The following HARBI1 variants were observed in gnomAD, a reference collection of about 807,000 sequenced individuals.
HARBI1 encodes harbinger transposase derived 1, also known as putative nuclease HARBI1.
In HARBI1, 15 loss-of-function variants were observed where a neutral mutation model predicts 25.3. The observed-to-expected ratio is 0.59, with a 90% CI of 0.40 to 0.91. HARBI1 has a LOEUF of 0.91. Among genes scored for constraint, HARBI1 ranks in the 40% least tolerant of loss-of-function variants. The probability of loss-of-function intolerance (pLI) is 0.00; values close to 1 mark genes in which losing one functional copy is unlikely to be tolerated. For synonymous variants in HARBI1, 168 were observed against 160.5 expected (o/e 1.05, Z -0.35); for missense variants, 396 against 445.8 (o/e 0.89, Z 1.01).
chr11:46,610,350 T>C (rs1256736636), intron 2 of HARBI1, among the ~76,000 whole-genome samples: 2 of 147,104 alleles, frequency 1.4e-5, no homozygotes, highest in Admixed American at 1.4e-4. Flanking sequence ...GTATATAATA[T>C]ATATATATAT....
At chr11:46,609,873 G>A (rs953045910) in intron 2 of HARBI1, among the ~76,000 whole-genome samples, 1 of 131,644 alleles carries the variant, frequency 7.6e-6, no homozygotes, top group Non-Finnish European at 1.6e-5. Flanking sequence ...TTTTTTTTGA[G>A]AGTAAGTCTC....
chr11:46,610,111 C>T (rs1054484139), intron 2 of HARBI1, among the ~76,000 whole-genome samples: 34 of 151,094 alleles, frequency 2.3e-4, no homozygotes, highest in Non-Finnish European at 3.2e-4. Flanking sequence ...CTTTGGCCTC[C>T]CAAAGTGCTG....
At chr11:46,614,261 C>A (rs186618032) in intron 2 of HARBI1, among the ~76,000 whole-genome samples, 37 of 151,926 alleles carry the variant, frequency 2.4e-4, no homozygotes, top group African/African-American at 8.2e-4. Context: ...AACCCCGTCT[C>A]TACTAAAAAT....
At chr11:46,608,758 G>A (rs901684988) in intron 2 of HARBI1, among the ~76,000 whole-genome samples, 1 of 151,616 alleles carries the variant, frequency 6.6e-6, no homozygotes, top group Admixed American at 6.6e-5. Context: ...TGGGATTACA[G>A]GCATGCGCCA....
chr11:46,615,786 A>T lies in HARBI1; in HGVS notation c.452T>A (p.Ile151Asn). ...MPGVMGVVDC[I>N]HVAIKAPNAE... ...ATTTGGTGCCTTGATGGCCACATGG[A>T]TACAGTCAACCACCCCCATCACCCC... Residue 151 changes from isoleucine (I) to asparagine (N), a missense_variant, in exon 2 of 3, where the codon ATC becomes AAC. Ile to Asn is a moderately radical substitution (Grantham distance 149, BLOSUM62 -3). Coordinates refer to ENST00000326737, the MANE Select transcript of HARBI1 (RefSeq NM_173811.4). The T allele has an allele frequency of 7.4e-6, 12 of 1,614,124 alleles. No individual in the cohort carries two copies. The highest frequency in any genetic ancestry group is 1.0e-5 in the Non-Finnish European group (12 of 1,180,036).
intron 2 of HARBI1, among the ~76,000 whole-genome samples, chr11:46,608,985 G>A (rs1387139274): frequency 1.4e-5 from 2 of 141,458 alleles, no homozygotes; most frequent in African/African-American, 2.7e-5. Context: ...GTGCAATGGC[G>A]TGATCTCAGC....
At position 46,616,350 on chromosome 11, in the gene HARBI1, G is replaced by C. The variant is rs77282744; in HGVS notation, c.-113C>G. 6.7e-7 allele frequency: 1 copy of C among 1,483,174 alleles called. No individual in the cohort carries two copies. Among genetic ancestry groups the C allele is most frequent in the African/African-American group, 1.4e-5 (1 of 71,252 alleles). The allele number at this position is 1,483,174 out of a possible 1,614,324, so 91.9% of individuals were successfully genotyped here. A position where few individuals can be genotyped will look rare whatever the true frequency, so the allele number is the denominator to read the frequency against. The stretch of plus-strand genomic sequence containing the variant: ...TATCAGAATCCAACAGCTAACCACA[G>C]TTAAATGGCTCTGCCATTTATAATC... On this transcript the variant is annotated 5_prime_UTR_variant, in exon 2 of 3. Transcript: ENST00000326737.
chr11:46,612,062 T>G (rs1418737893), intron 2 of HARBI1, among the ~76,000 whole-genome samples: 1 of 152,162 alleles, frequency 6.6e-6, no homozygotes, highest in African/African-American at 2.4e-5. Flanking sequence ...ACAGGAGGTT[T>G]CTCTTTAAAG....
intron 2 of HARBI1, among the ~76,000 whole-genome samples, chr11:46,609,797 G>A (rs1591245120): frequency 1.3e-5 from 2 of 150,870 alleles, no homozygotes; most frequent in African/African-American, 2.4e-5. Flanking sequence ...GACCTGCCTG[G>A]GCAACACAGT....
At chr11:46,612,751 A>G (rs1591253244) in intron 2 of HARBI1, among the ~76,000 whole-genome samples, 1 of 151,096 alleles carries the variant, frequency 6.6e-6, no homozygotes, top group Non-Finnish European at 1.5e-5. Context: ...ACTCACTGCA[A>G]CCTCTGCCTC....
At chr11:46,605,645 T>TG (rs2044914622) in intron 2 of HARBI1, among the ~76,000 whole-genome samples, 2 of 140,962 alleles carry the variant, frequency 1.4e-5, no homozygotes, top group Non-Finnish European at 3.0e-5. Context: ...TGGAGTGCAG[T>TG]GGTGCAATCT....
chr11:46,615,030 A>G (rs955339053), intron 2 of HARBI1, among the ~76,000 whole-genome samples: 1 of 152,022 alleles, frequency 6.6e-6, no homozygotes, highest in Admixed American at 6.6e-5. Flanking sequence ...CTCCTGCCTC[A>G]GCCTCCCGAG....
chr11:46,613,508 A>ATG, intron 2 of HARBI1, among the ~76,000 whole-genome samples: 1 of 134,560 alleles, frequency 7.4e-6, no homozygotes, highest in Non-Finnish European at 1.6e-5. Context: ...TTTGAGACAG[A>ATG]GTCTCCCTCT....
intron 2 of HARBI1, among the ~76,000 whole-genome samples, chr11:46,610,993 ATTAT>A (rs914127077): frequency 1.2e-4 from 17 of 142,594 alleles, no homozygotes; most frequent in African/African-American, 4.4e-4. Context: ...TAATATTATT[ATTAT>A]TTAACTCTTT....
upstream of HARBI1, chr11:46,617,577 C>G (rs979588808): frequency 6.8e-6 from 1 of 147,994 alleles, no homozygotes; most frequent in Non-Finnish European, 1.3e-5. Flanking sequence ...CGGATGAAAA[C>G]AAACACTAAC....
At chr11:46,606,133 C>A (rs750317080) in intron 2 of HARBI1, among the ~76,000 whole-genome samples, 1 of 151,744 alleles carries the variant, frequency 6.6e-6, no homozygotes, top group Non-Finnish European at 1.5e-5. Context: ...CGATCCACCC[C>A]CTTCGGCTTC....
At chr11:46,605,325 C>G (rs2044896720) in intron 2 of HARBI1, among the ~76,000 whole-genome samples, 1 of 152,024 alleles carries the variant, frequency 6.6e-6, no homozygotes, top group South Asian at 2.1e-4. Context: ...ACCTCAGCCT[C>G]CCGAATATCT....
Position 46,616,831 on chromosome 11 carries a change from C to CAAAAAAAAAAAA in HARBI1, c.-145+281_-145+292dup, listed in dbSNP as rs749013239. ...ACCAGTCTAACAAGAAAAGAAGGGGCAAAAAAAAAAAAAAAAAAAAAAAAA... is the reference window on the plus strand; with the variant it reads ...ACCAGTCTAACAAGAAAAGAAGGGGCAAAAAAAAAAAAAAAAAAAAAAAAAAAAAAAAAAAAA... On this transcript the variant is annotated intron_variant, in intron 1 of 2. Transcript: ENST00000326737. 4,770 of 603,810 alleles carry CAAAAAAAAAAAA rather than the reference C, an allele frequency of 7.9e-3. 8 individuals carry two copies. Among genetic ancestry groups the CAAAAAAAAAAAA allele is most frequent in the African/African-American group, 8.3e-3 (124 of 14,862 alleles). 37.4% of individuals were successfully genotyped at this position (603,810 alleles called of 1,614,324 possible). A position where few individuals can be genotyped will look rare whatever the true frequency, so the allele number is the denominator to read the frequency against.
intron 2 of HARBI1, among the ~76,000 whole-genome samples, chr11:46,613,110 G>A (rs2135401247): frequency 6.7e-6 from 1 of 149,538 alleles, no homozygotes; most frequent in Non-Finnish European, 1.5e-5. Flanking sequence ...TTCCCAAGTA[G>A]ATGGGACTAC....
Sources: gnomAD v4.1 joint callset for allele counts (sites outside exome capture counted in the v4.1 genomes callset) on GRCh38, gnomAD v4.1.1 for gene constraint, MANE v1.5 for transcripts, NCBI Gene and HGNC (gene_info 2026-07-23, HGNC 2026-07-21) for gene names.